Variants in CYP51A1 observed in about 807,000 individuals in gnomAD.
The protein encoded by CYP51A1 is lanosterol 14-alpha demethylase.
Under a neutral mutation model 53.5 loss-of-function variants are expected in CYP51A1, and 45 were observed. That is an observed-to-expected ratio of 0.84 (90% CI 0.66 to 1.08). The LOEUF is 1.08. Ranked by LOEUF, CYP51A1 falls within the 50% of genes least tolerant of loss-of-function variation. The pLI is 0.00. For missense variants in CYP51A1, 462 were observed against 621.7 expected (o/e 0.74, Z 2.73); for synonymous variants, 181 against 217.7 (o/e 0.83, Z 1.48).
At position 92,117,187 on chromosome 7, in the gene CYP51A1, G is replaced by A. The variant is rs1394502139; in HGVS notation, c.1208C>T (p.Pro403Leu). 2 of 1,613,686 alleles carry A rather than the reference G, an allele frequency of 1.2e-6. No individual in the cohort carries two copies. Among genetic ancestry groups the A allele is most frequent in the Non-Finnish European group, 1.7e-6 (2 of 1,179,900 alleles). The change falls in exon 9 of 10, where the codon CCA becomes CTA. Residue 403 changes from proline (P) to leucine (L), a missense_variant. Transcript: ENST00000003100. ...GGGAGAAACACACACCTGATGTCCT[G>A]GAGGAATGGTATACCCTGCCACAGT... is the stretch of plus-strand genomic sequence containing the variant. ...PQTVAGYTIPPGHQVCVSPTV... is the reference protein window; with the variant it reads ...PQTVAGYTIPLGHQVCVSPTV...
intron 4 of CYP51A1, 111 bp from the exon 5 acceptor site, chr7:92,126,538 A>G: frequency 1.1e-6 from 1 of 941,354 alleles, no homozygotes. Context: ...ATCATCAAAA[A>G]AAGTCTGTAG....
intron 5 of CYP51A1, among the ~76,000 whole-genome samples, chr7:92,125,328 C>T (rs976379176): frequency 6.6e-6 from 1 of 152,070 alleles, no homozygotes; most frequent in Non-Finnish European, 1.5e-5. Context: ...TCCTTTTACT[C>T]CCACCCCTCT....
intron 9 of CYP51A1, among the ~76,000 whole-genome samples, chr7:92,115,774 G>A (rs1055219123): frequency 1.3e-5 from 2 of 151,522 alleles, no homozygotes; most frequent in Non-Finnish European, 3.0e-5. Flanking sequence ...ATGTTAAAAA[G>A]AAACAGATTT....
In CYP51A1 at chr7:92,131,888, A is replaced by G. The variant is rs202094387; in HGVS notation, c.193-16T>C. The G allele has an allele frequency of 3.3e-4, 469 of 1,422,404 alleles. 3 individuals are homozygous for G. The East Asian group carries it at 5.8e-3, about 18-fold the overall frequency. 88.1% of individuals were successfully genotyped at this position (1,422,404 alleles called of 1,614,324 possible). Reference sequence around the variant, plus strand: ...GAGGACTTTTCTACAAGAGAAAAAAATAGTAAATTCAATTCGTGTTTCATT... The same window carrying G: ...GAGGACTTTTCTACAAGAGAAAAAAGTAGTAAATTCAATTCGTGTTTCATT... On this transcript the variant is annotated splice_polypyrimidine_tract_variant and intron_variant, in intron 1 of 9. Coordinates refer to ENST00000003100, the MANE Select transcript of CYP51A1 (RefSeq NM_000786.4).
intron 7 of CYP51A1, among the ~76,000 whole-genome samples, chr7:92,121,818 G>C (rs1294512739): frequency 1.3e-5 from 2 of 152,202 alleles, no homozygotes; most frequent in Non-Finnish European, 2.9e-5. Flanking sequence ...AGCAGTCAGG[G>C]AGAATGAAGC....
intron 2 of CYP51A1, among the ~76,000 whole-genome samples, chr7:92,131,010 C>T (rs1474773174): frequency 6.6e-6 from 1 of 152,028 alleles, no homozygotes; most frequent in Non-Finnish European, 1.5e-5. Flanking sequence ...CAGCTGAACA[C>T]AATGAAAAGA....
At chr7:92,118,869 C>T (rs541710878) in intron 7 of CYP51A1, among the ~76,000 whole-genome samples, 2 of 152,294 alleles carry the variant, frequency 1.3e-5, no homozygotes, top group Admixed American at 6.5e-5. Flanking sequence ...AAAATGAAAA[C>T]AGTAGCAACA....
intron 9 of CYP51A1, among the ~76,000 whole-genome samples, chr7:92,114,755 G>A (rs915701482): frequency 6.6e-6 from 1 of 152,082 alleles, no homozygotes; most frequent in Non-Finnish European, 1.5e-5. Flanking sequence ...TTAAGACAGG[G>A]CCAGAAAGCA....
intron 5 of CYP51A1, among the ~76,000 whole-genome samples, chr7:92,124,872 A>G (rs531921387): frequency 9.2e-5 from 14 of 152,300 alleles, no homozygotes; most frequent in East Asian, 3.9e-4. Context: ...GGCCAGGTGC[A>G]GTGGCTCACG....
chr7:92,121,358 G>C (rs752351317), intron 7 of CYP51A1, among the ~76,000 whole-genome samples: 3 of 151,900 alleles, frequency 2.0e-5, no homozygotes, highest in Non-Finnish European at 4.4e-5. Context: ...AGGGGGTGAA[G>C]TCAGGACCAA....
rs980688633 is a variant in CYP51A1, at chr7:92,132,803, T to C, written c.193-931A>G. Among the ~76,000 whole-genome samples the C allele has an allele frequency of 2.0e-5, 3 of 152,192 alleles. No individual in the cohort carries two copies. The South Asian group carries it at 6.2e-4, about 31-fold the overall frequency. ...TCAGCTCTAGCAAGAACTCTAGCATTCTTCATAAAAGTTTCTTTAGATGCC... is the reference window on the plus strand; with the variant it reads ...TCAGCTCTAGCAAGAACTCTAGCATCCTTCATAAAAGTTTCTTTAGATGCC... On this transcript the variant is annotated intron_variant, in intron 1 of 9. Coordinates refer to ENST00000003100, the MANE Select transcript of CYP51A1 (RefSeq NM_000786.4).
intron 7 of CYP51A1, among the ~76,000 whole-genome samples, chr7:92,122,088 C>A (rs1406506085): frequency 2.6e-5 from 4 of 151,920 alleles, no homozygotes; most frequent in South Asian, 4.1e-4. Context: ...TGTATGCCAA[C>A]AAATTAGGTA....
Position 92,131,784 on chromosome 7 carries a change from G to A in CYP51A1, c.281C>T (p.Ala94Val). The change falls in exon 2 of 10, where the codon GCA (alanine) becomes GTA (valine). Residue 94 changes from alanine to valine, a missense_variant. Ala to Val is a moderately conservative substitution (Grantham distance 64). Coordinates refer to ENST00000003100, the MANE Select transcript of CYP51A1 (RefSeq NM_000786.4). ...GKSPIEFLENAYEKYGPVFSF... is the reference protein window; with the variant it reads ...GKSPIEFLENVYEKYGPVFSF... ...ATTTGGAAGACTTACCTTCTCATAT[G>A]CATTTTCTAGAAATTCAATTGGACT... 6.9e-7 allele frequency: 1 copy of A among 1,443,578 alleles called. No individual in the cohort carries two copies. Among genetic ancestry groups the A allele is most frequent in the Non-Finnish European group, 9.5e-7 (1 of 1,052,212 alleles). The allele number at this position is 1,443,578 out of a possible 1,614,324, so 89.4% of individuals were successfully genotyped here. A position where few individuals can be genotyped will look rare whatever the true frequency, so the allele number is the denominator to read the frequency against.
chr7:92,120,127 A>G (rs964585680), intron 7 of CYP51A1, among the ~76,000 whole-genome samples: 3 of 152,226 alleles, frequency 2.0e-5, no homozygotes, highest in African/African-American at 7.2e-5. Flanking sequence ...AAATTAAAGA[A>G]CTAAAATAAG....
upstream of CYP51A1, chr7:92,134,505 C>A (rs1440782175): frequency 6.0e-6 from 5 of 827,794 alleles, no homozygotes; most frequent in Non-Finnish European, 9.1e-6. Context: ...TCGGGTCCCA[C>A]GCGCGCCACC....
At chr7:92,129,292 A>G (rs1157591313) in intron 2 of CYP51A1, among the ~76,000 whole-genome samples, 7 of 152,132 alleles carry the variant, frequency 4.6e-5, no homozygotes, top group African/African-American at 1.7e-4. Flanking sequence ...TTCAGTTTAT[A>G]TTGACAATGT....
At position 92,117,214 on chromosome 7, in the gene CYP51A1, T is replaced by C; in HGVS notation, c.1183-2A>G. On this transcript the variant is annotated splice_acceptor_variant, in intron 8 of 9. Transcript: ENST00000003100. LOFTEE classifies it high-confidence loss of function. ...AGGAATGGTATACCCTGCCACAGTC[T>C]ATAAACAAAAGCCACACATTTCATT... The C allele has an allele frequency of 1.2e-6, 2 of 1,607,470 alleles. No individual in the cohort carries two copies. Among genetic ancestry groups the C allele is most frequent in the Non-Finnish European group, 1.7e-6 (2 of 1,177,760 alleles).
chr7:92,123,523 A>G (rs1819733401), intron 6 of CYP51A1, among the ~76,000 whole-genome samples: 1 of 152,226 alleles, frequency 6.6e-6, no homozygotes. Context: ...ATTACAGTTC[A>G]TTAGCAAACT....
intron 4 of CYP51A1, among the ~76,000 whole-genome samples, chr7:92,126,999 T>C (rs925674484): frequency 6.6e-5 from 10 of 152,254 alleles, no homozygotes; most frequent in Non-Finnish European, 1.5e-4. Flanking sequence ...GAACTTCCAA[T>C]GATCATCTGG....
Sources: allele counts gnomAD v4.1 joint callset (sites outside exome capture counted in the v4.1 genomes callset), GRCh38; gene constraint gnomAD v4.1.1; transcripts MANE v1.5; gene names NCBI Gene and HGNC (gene_info 2026-07-23, HGNC 2026-07-21).